The following SAMTOR variants were observed in gnomAD, a reference collection of about 807,000 sequenced individuals.
The protein encoded by SAMTOR is UPF0532 protein C7orf60.
chr7:112,916,580 AGACAGTGGGTGCAG>A, the SAMTOR span, among the ~76,000 whole-genome samples: 37 of 152,164 alleles, frequency 2.4e-4, no homozygotes, highest in Non-Finnish European at 4.1e-4. Flanking sequence ...GGGGAGTGCC[AGACAGTGGGTGCAG>A]GACGGTGGGT....
At chr7:112,835,760 T>A in the SAMTOR span, among the ~76,000 whole-genome samples, 2 of 152,120 alleles carry the variant, frequency 1.3e-5, no homozygotes, top group Admixed American at 1.3e-4. Context: ...CCTGAATTAG[T>A]TTGCTTAGGA....
the SAMTOR span, among the ~76,000 whole-genome samples, chr7:112,905,770 C>T: frequency 6.6e-6 from 1 of 151,836 alleles, no homozygotes; most frequent in Non-Finnish European, 1.5e-5. Context: ...GCAAACACTT[C>T]CTTAATATTA....
chr7:112,939,584 T>C, the SAMTOR span: 1 of 1,613,812 alleles, frequency 6.2e-7, no homozygotes, highest in Non-Finnish European at 8.5e-7. Flanking sequence ...CTCAGCGCGC[T>C]GTTTACCTTC....
chr7:112,887,606 T>G, the SAMTOR span, among the ~76,000 whole-genome samples: 1 of 152,210 alleles, frequency 6.6e-6, no homozygotes, highest in Non-Finnish European at 1.5e-5. Flanking sequence ...AGTTAATTAT[T>G]TCTTCAATTT....
the SAMTOR span, among the ~76,000 whole-genome samples, chr7:112,834,774 G>A: frequency 6.6e-6 from 1 of 152,016 alleles, no homozygotes; most frequent in Non-Finnish European, 1.5e-5. Context: ...CGGTCAGAAG[G>A]TCAACAGTAG....
the SAMTOR span, among the ~76,000 whole-genome samples, chr7:112,929,592 A>G: frequency 2.6e-5 from 4 of 152,250 alleles, no homozygotes; most frequent in African/African-American, 9.6e-5. Context: ...ATTTATCCAA[A>G]GGAAATGAAA....
At chr7:112,881,254 G>A in the SAMTOR span, among the ~76,000 whole-genome samples, 2 of 152,144 alleles carry the variant, frequency 1.3e-5, no homozygotes, top group Admixed American at 1.3e-4. Flanking sequence ...GGAGGCCAAG[G>A]GCAGCATAAG....
At chr7:112,928,383 C>T in the SAMTOR span, among the ~76,000 whole-genome samples, 5 of 151,946 alleles carry the variant, frequency 3.3e-5, no homozygotes, top group African/African-American at 1.2e-4. Flanking sequence ...CTGCCTCCCA[C>T]TTTATCATCT....
At chr7:112,845,014 G>T in the SAMTOR span, among the ~76,000 whole-genome samples, 1 of 151,964 alleles carries the variant, frequency 6.6e-6, no homozygotes, top group African/African-American at 2.4e-5. Context: ...TGAATAAATG[G>T]TGCTGGGATC....
At chr7:112,857,555 A>T in the SAMTOR span, among the ~76,000 whole-genome samples, 3 of 152,218 alleles carry the variant, frequency 2.0e-5, no homozygotes, top group South Asian at 6.2e-4. Flanking sequence ...AAAGTCATAA[A>T]TTGCAAAAAC....
chr7:112,847,016 T>C, the SAMTOR span, among the ~76,000 whole-genome samples: 1 of 152,218 alleles, frequency 6.6e-6, no homozygotes, highest in African/African-American at 2.4e-5. Context: ...GGTAAGTTCT[T>C]ACAGGATTTG....
the SAMTOR span, among the ~76,000 whole-genome samples, chr7:112,832,204 G>A: frequency 6.6e-6 from 1 of 151,590 alleles, no homozygotes; most frequent in African/African-American, 2.4e-5. Context: ...TAGTAGAGAC[G>A]GGGTTTCACC....
At chr7:112,867,655 T>G in the SAMTOR span, among the ~76,000 whole-genome samples, 1 of 152,348 alleles carries the variant, frequency 6.6e-6, no homozygotes, top group East Asian at 1.9e-4. Flanking sequence ...TGTTCCTGAA[T>G]GGATAAATCA....
the SAMTOR span, among the ~76,000 whole-genome samples, chr7:112,906,569 A>G: frequency 1.1e-5 from 1 of 88,366 alleles, no homozygotes; most frequent in African/African-American, 3.4e-5. Context: ...ATGGAAAGAC[A>G]TATCTTTTTT....
the SAMTOR span, among the ~76,000 whole-genome samples, chr7:112,842,507 A>AG: frequency 6.6e-6 from 1 of 151,908 alleles, no homozygotes; most frequent in African/African-American, 2.4e-5. Context: ...ATCAGTTCTT[A>AG]CCTAAGAAGA....
At chr7:112,876,968 T>G in the SAMTOR span, among the ~76,000 whole-genome samples, 1 of 152,198 alleles carries the variant, frequency 6.6e-6, no homozygotes, top group Non-Finnish European at 1.5e-5. Context: ...ATAAAAATTA[T>G]CATTAATTCC....
At chr7:112,875,143 G>C in the SAMTOR span, among the ~76,000 whole-genome samples, 9 of 152,116 alleles carry the variant, frequency 5.9e-5, no homozygotes, top group Admixed American at 5.2e-4. Context: ...TCATTACCCT[G>C]TGCTTATAAA....
At chr7:112,933,578 T>C in the SAMTOR span, among the ~76,000 whole-genome samples, 1 of 152,224 alleles carries the variant, frequency 6.6e-6, no homozygotes, top group African/African-American at 2.4e-5. Flanking sequence ...AAATATTTCA[T>C]AGGCACATAT....
chr7:112,876,026 T>C, the SAMTOR span, among the ~76,000 whole-genome samples: 1 of 152,162 alleles, frequency 6.6e-6, no homozygotes, highest in African/African-American at 2.4e-5. Flanking sequence ...AGTGGTGCAA[T>C]CTTAGCTCAC....
Sources: allele counts gnomAD v4.1 joint callset (sites outside exome capture counted in the v4.1 genomes callset), GRCh38; gene constraint gnomAD v4.1.1; transcripts MANE v1.5; gene names NCBI Gene and HGNC (gene_info 2026-07-23, HGNC 2026-07-21).